Variants in VPS50 observed in about 807,000 individuals in gnomAD.
The protein encoded by VPS50 is VPS50 subunit of EARP/GARPII complex.
Under a neutral mutation model 139.7 loss-of-function variants are expected in VPS50, and 70 were observed. The observed-to-expected ratio is 0.50, with a 90% confidence interval of 0.41 to 0.61. VPS50 has a LOEUF of 0.61. Among genes scored for constraint, VPS50 ranks in the 20% least tolerant of loss-of-function variants. The probability of loss-of-function intolerance (pLI) is 0.00; values close to 1 mark genes in which losing one functional copy is unlikely to be tolerated. For synonymous variants in VPS50, 365 were observed against 376.7 expected, an observed-to-expected ratio of 0.97 and a Z score of 0.36; for missense variants, 921 against 1,133.7, an observed-to-expected ratio of 0.81 and a Z score of 2.69.
At chr7:93,301,734 C>G (rs1459821622) in intron 16 of VPS50, among the ~76,000 whole-genome samples, 1 of 152,062 alleles carries the variant, frequency 6.6e-6, no homozygotes, top group Non-Finnish European at 1.5e-5. Context: ...TTTAAGTCAC[C>G]TAGTTTGTGG....
Position 93,252,664 on chromosome 7 carries a change from G to A in VPS50, c.114G>A (p.Arg38=). The A allele has an allele frequency of 6.3e-7, 1 of 1,598,310 alleles. No homozygotes were observed. Among genetic ancestry groups the A allele is most frequent in the South Asian group, 1.1e-5 (1 of 88,620 alleles). ...TTTTTTTCTTAAAGGAAGAATTCAG[G>A]GAACTTCGAGAACAGCCAAGTGACC... is the stretch of plus-strand genomic sequence containing the variant. The part of the protein sequence containing the change: ...SLRVPGKEEF[R]ELREQPSDPQ... Residue 38 remains arginine (R), a synonymous_variant, in exon 3 of 28, where the codon AGG becomes AGA. Transcript: ENST00000305866.
chr7:93,347,303 A>G (rs1798424818), intron 23 of VPS50, among the ~76,000 whole-genome samples: 1 of 131,260 alleles, frequency 7.6e-6, no homozygotes, highest in South Asian at 2.6e-4. Flanking sequence ...TTAGAATGGC[A>G]ATCATTAAAA....
intron 22 of VPS50, among the ~76,000 whole-genome samples, chr7:93,337,251 GCAA>G (rs1466688083): frequency 1.3e-5 from 2 of 152,192 alleles, no homozygotes; most frequent in African/African-American, 4.8e-5. Flanking sequence ...TGAAGTGGGG[GCAA>G]CAATTCCAGT....
chr7:93,276,684 T>C lies in VPS50; in HGVS notation c.942+379T>C, dbSNP rs184978459. On this transcript the variant is annotated intron_variant, in intron 12 of 27. Transcript: ENST00000305866. ...TTTTTCATGTGTATGAATGCTGCCT[T>C]TGTCAGCATCTGTAACTGGTTTTTT... Among the ~76,000 whole-genome samples the C allele has an allele frequency of 1.2e-3, 189 of 152,346 alleles. No homozygotes were observed. The Middle Eastern group carries it at 0.031, about 25-fold the overall frequency.
At chr7:93,295,496 A>G (rs1032918415) in intron 14 of VPS50, 5 of 152,162 alleles carry the variant, frequency 3.3e-5, no homozygotes, top group Non-Finnish European at 7.4e-5. Flanking sequence ...GTATCTTATT[A>G]AGTTTTTCTT....
In VPS50 at chr7:93,361,118, T is replaced by C. The variant is rs992808298; in HGVS notation, c.*2682T>C. The C allele has an allele frequency of 3.3e-5, 5 of 151,122 alleles. No homozygotes were observed. Among genetic ancestry groups the C allele is most frequent in the African/African-American group, 4.8e-5 (2 of 41,262 alleles). 9.4% of individuals were successfully genotyped at this position (151,122 alleles called of 1,614,324 possible). On this transcript the variant is annotated 3_prime_UTR_variant, in exon 28 of 28. Coordinates refer to ENST00000305866, the MANE Select transcript of VPS50 (RefSeq NM_017667.4). ...TTGTCTTTTGTAATAAAAAACTAGA[T>C]CTGAAGATGAATTGATGAATACAAG...
chr7:93,337,068 C>A (rs1354679746), intron 22 of VPS50, among the ~76,000 whole-genome samples: 1 of 152,118 alleles, frequency 6.6e-6, no homozygotes, highest in Admixed American at 6.5e-5. Flanking sequence ...AAGCACATAC[C>A]ATTTATTTAT....
intron 2 of VPS50, among the ~76,000 whole-genome samples, chr7:93,248,952 A>G (rs933362235): frequency 6.6e-6 from 1 of 152,130 alleles, no homozygotes; most frequent in Non-Finnish European, 1.5e-5. Flanking sequence ...TAGGGAAATA[A>G]TATTACATAG....
chr7:93,344,171 G>T (rs573461541), intron 23 of VPS50, among the ~76,000 whole-genome samples: 2 of 152,068 alleles, frequency 1.3e-5, no homozygotes, highest in South Asian at 4.2e-4. Context: ...AAAGGCAGGG[G>T]TTGCAATCCT....
At chr7:93,327,075 C>G (rs1000263088) in intron 21 of VPS50, among the ~76,000 whole-genome samples, 3 of 152,114 alleles carry the variant, frequency 2.0e-5, no homozygotes, top group Admixed American at 1.3e-4. Context: ...AGCTAATTGT[C>G]AGAATGTTTT....
chr7:93,279,698 GA>G (rs1004561906), intron 12 of VPS50, among the ~76,000 whole-genome samples: 2 of 152,198 alleles, frequency 1.3e-5, no homozygotes, highest in Admixed American at 1.3e-4. Context: ...CATGAAATGA[GA>G]AGAAAGAGTC....
intron 22 of VPS50, among the ~76,000 whole-genome samples, chr7:93,339,399 T>C (rs1798153019): frequency 6.6e-6 from 1 of 152,124 alleles, no homozygotes; most frequent in African/African-American, 2.4e-5. Flanking sequence ...AATTTTTATT[T>C]GCATTTTGCT....
Position 93,303,501 on chromosome 7 carries a change from C to T in VPS50, c.1403C>T (p.Thr468Ile), listed in dbSNP as rs1465027618. Residue 468 changes from threonine to isoleucine, a missense_variant, in exon 17 of 28, where the codon ACT becomes ATT. By Grantham distance (89) the Thr-to-Ile change is moderately conservative. Transcript: ENST00000305866. ...DELRMFLENETWELCPVKSNF... is the reference protein window; with the variant it reads ...DELRMFLENEIWELCPVKSNF... The stretch of plus-strand genomic sequence containing the variant: ...CTGAGAATGTTCTTAGAGAATGAGA[C>T]TTGGGAACTTTGTCCTGTTAAGTCA... 27 of 1,584,438 alleles carry T rather than the reference C, an allele frequency of 1.7e-5. No homozygotes were observed. The Admixed American group carries it at 2.4e-4, about 14-fold the overall frequency.
At chr7:93,257,243 AAT>A in intron 5 of VPS50, 149 bp from the exon 6 acceptor site, 1 of 552,882 alleles carries the variant, frequency 1.8e-6, no homozygotes, top group Non-Finnish European at 3.1e-6. Flanking sequence ...AAAATATACT[AAT>A]AGTTTTCAAG....
chr7:93,310,316 A>C (rs1797230307), intron 19 of VPS50, among the ~76,000 whole-genome samples: 1 of 151,982 alleles, frequency 6.6e-6, no homozygotes, highest in Non-Finnish European at 1.5e-5. Flanking sequence ...GTGTCTCTTG[A>C]ATTGACCAAT....
At chr7:93,240,089 C>A (rs748296480) in intron 2 of VPS50, 155 bp downstream of exon 2, 4 of 516,244 alleles carry the variant, frequency 7.7e-6, no homozygotes, top group Non-Finnish European at 1.4e-5. Flanking sequence ...AGGTGTAGGG[C>A]TTGTTTCATT....
intron 11 of VPS50, chr7:93,273,006 T>C: frequency 5.2e-6 from 1 of 191,632 alleles, no homozygotes; most frequent in East Asian, 1.4e-4. Context: ...ATAAGTATAT[T>C]ATAAGATAAT....
intron 21 of VPS50, among the ~76,000 whole-genome samples, chr7:93,330,661 G>A (rs1352810767): frequency 6.6e-6 from 1 of 151,054 alleles, no homozygotes; most frequent in African/African-American, 2.4e-5. Flanking sequence ...TGCTGAGGCA[G>A]GAGGATCGCT....
At chr7:93,246,058 T>G in intron 2 of VPS50, 2 of 1,288,464 alleles carry the variant, frequency 1.6e-6, no homozygotes, top group Non-Finnish European at 2.2e-6. Context: ...CTAGCTCTGT[T>G]TAGATTTTGG....
Sources: allele counts gnomAD v4.1 joint callset (sites outside exome capture counted in the v4.1 genomes callset), GRCh38; gene constraint gnomAD v4.1.1; transcripts MANE v1.5; gene names NCBI Gene and HGNC (gene_info 2026-07-23, HGNC 2026-07-21).